The following EZH2 variants were observed in gnomAD, a reference collection of about 807,000 sequenced individuals.
EZH2 encodes histone-lysine N-methyltransferase EZH2.
Under a neutral mutation model 98.4 loss-of-function variants are expected in EZH2, and 18 were observed. That is an observed-to-expected ratio of 0.18 (90% CI 0.13 to 0.27). The LOEUF is 0.27. Ranked by LOEUF, EZH2 falls within the 10% of genes least tolerant of loss-of-function variation. EZH2 has a pLI of 1.00. For missense variants in EZH2, 470 were observed against 935.1 expected (o/e 0.50, Z 6.49); for synonymous variants, 338 against 312.3 (o/e 1.08, Z -0.87).
chr7:148,811,570 TA>T (rs1803096859), intron 16 of EZH2, 54 bp downstream of exon 16: 3 of 1,382,446 alleles, frequency 2.2e-6, no homozygotes, highest in Non-Finnish European at 1.0e-6. Flanking sequence ...CAATCTAAAA[TA>T]AAGTAAAGTT....
chr7:148,824,497 C>A (rs1807107410), intron 8 of EZH2, among the ~76,000 whole-genome samples: 1 of 152,146 alleles, frequency 6.6e-6, no homozygotes, highest in Non-Finnish European at 1.5e-5. Context: ...GTCACAACTG[C>A]CTCCAGTATC....
chr7:148,847,921 A>T (rs187886654), intron 1 of EZH2, among the ~76,000 whole-genome samples: 1 of 152,196 alleles, frequency 6.6e-6, no homozygotes, highest in African/African-American at 2.4e-5. Flanking sequence ...TCAAGCGAAA[A>T]GAGGAATGCA....
chr7:148,880,553 T>C (rs1175109023), intron 1 of EZH2, among the ~76,000 whole-genome samples: 1 of 152,230 alleles, frequency 6.6e-6, no homozygotes, highest in Non-Finnish European at 1.5e-5. Context: ...GTGTAATAGT[T>C]GCATCTAAAG....
chr7:148,819,536 TCCA>T, intron 9 of EZH2, 57 bp downstream of exon 9: 1 of 1,383,552 alleles, frequency 7.2e-7, no homozygotes, highest in Non-Finnish European at 1.0e-6. Context: ...CTTGATCACC[TCCA>T]CCAAAGTGCA....
At chr7:148,872,632 T>C (rs1003560547) in intron 1 of EZH2, among the ~76,000 whole-genome samples, 5 of 152,232 alleles carry the variant, frequency 3.3e-5, no homozygotes, top group Admixed American at 2.0e-4. Context: ...ACAGAATATA[T>C]GAAATTTCAC....
At chr7:148,861,803 T>TAAAAA (rs10628711) in intron 1 of EZH2, among the ~76,000 whole-genome samples, 96 of 143,506 alleles carry the variant, frequency 6.7e-4, no homozygotes, top group East Asian at 6.5e-3. Flanking sequence ...TTCTTTTATT[T>TAAAAA]AAAAAAAAAA....
intron 3 of EZH2, chr7:148,837,038 G>C (rs1278377328): frequency 2.1e-6 from 1 of 485,900 alleles, no homozygotes; most frequent in African/African-American, 2.0e-5. Context: ...ACCCTACTAT[G>C]TGCCAAGCAC....
chr7:148,813,357 C>T, intron 15 of EZH2, among the ~76,000 whole-genome samples: 1 of 151,774 alleles, frequency 6.6e-6, no homozygotes, highest in Non-Finnish European at 1.5e-5. Flanking sequence ...TACGAAATTT[C>T]CCAAATACAT....
At chr7:148,879,627 T>C (rs1310769063) in intron 1 of EZH2, among the ~76,000 whole-genome samples, 1 of 151,788 alleles carries the variant, frequency 6.6e-6, no homozygotes, top group African/African-American at 2.4e-5. Flanking sequence ...GAGGTGGAGG[T>C]TGCAGTGAGC....
chr7:148,824,072 T>C (rs1175445640), intron 8 of EZH2, among the ~76,000 whole-genome samples: 1 of 151,918 alleles, frequency 6.6e-6, no homozygotes, highest in African/African-American at 2.4e-5. Flanking sequence ...CCCAACACTT[T>C]GGGAGGCCAG....
At chr7:148,859,155 T>C (rs1239112274) in intron 1 of EZH2, among the ~76,000 whole-genome samples, 2 of 152,220 alleles carry the variant, frequency 1.3e-5, no homozygotes, top group African/African-American at 4.8e-5. Context: ...GACTTAGCAA[T>C]TAACAATTAA....
At chr7:148,881,525 T>C (rs1820954325) in intron 1 of EZH2, among the ~76,000 whole-genome samples, 1 of 152,118 alleles carries the variant, frequency 6.6e-6, no homozygotes, top group Non-Finnish European at 1.5e-5. Context: ...TACCAGAAAA[T>C]AATTTAATAT....
intron 10 of EZH2, 116 bp from the exon 11 acceptor site, chr7:148,817,507 G>A (rs748086953): frequency 4.2e-5 from 41 of 978,182 alleles, no homozygotes; most frequent in Non-Finnish European, 5.7e-5. Flanking sequence ...AAATCCAATC[G>A]GCAAAACACT....
intron 3 of EZH2, among the ~76,000 whole-genome samples, chr7:148,836,021 A>C (rs910556922): frequency 2.0e-5 from 3 of 152,234 alleles, no homozygotes; most frequent in Non-Finnish European, 4.4e-5. Context: ...GTCATACCCC[A>C]GTATCCCATC....
chr7:148,821,595 T>C (rs1486223407), intron 8 of EZH2, among the ~76,000 whole-genome samples: 1 of 151,956 alleles, frequency 6.6e-6, no homozygotes, highest in Admixed American at 6.5e-5. Flanking sequence ...GAGCCCAAAG[T>C]AGGAGCATCA....
At chr7:148,807,785 T>A in intron 19 of EZH2, 79 bp from the exon 20 acceptor site, 2 of 757,336 alleles carry the variant, frequency 2.6e-6, no homozygotes, top group South Asian at 1.9e-5. Context: ...CAAAGCCTGC[T>A]GAAGATAGTG....
At position 148,817,236 on chromosome 7, in the gene EZH2, T is replaced by G; in HGVS notation, c.1396A>C (p.Lys466Gln). ...FCAIARLIGT[K>Q]TCRQVYEFRV... is the part of the protein sequence containing the mutation. ...GGATATCTTACCTGTCTACATGTTTTGGTCCCAATTAACCTAGCAATGGCA... is the reference window on the plus strand; with the variant it reads ...GGATATCTTACCTGTCTACATGTTTGGGTCCCAATTAACCTAGCAATGGCA... The change falls in exon 11 of 20, where the codon AAA becomes CAA. Residue 466 changes from lysine (K) to glutamine (Q), a missense_variant. Lys to Gln is a moderately conservative substitution (Grantham distance 53). Around this residue, in one of 6 missense-constraint regions of EZH2, gnomAD observed 192 missense variants for 306.8 expected, o/e 0.63. Coordinates refer to ENST00000320356, the MANE Select transcript of EZH2 (RefSeq NM_004456.5). The G allele has an allele frequency of 6.2e-7, 1 of 1,613,518 alleles. No homozygotes were observed.
intron 12 of EZH2, among the ~76,000 whole-genome samples, chr7:148,816,326 C>A (rs1804541490): frequency 6.6e-6 from 1 of 152,166 alleles, no homozygotes; most frequent in African/African-American, 2.4e-5. Flanking sequence ...AAAGATACTT[C>A]TAAAAACTGG....
In EZH2 at chr7:148,818,032, C is replaced by T. The variant is rs781468426; in HGVS notation, c.1085G>A (p.Arg362Gln). 1 of 1,614,078 alleles carries T rather than the reference C, an allele frequency of 6.2e-7. No individual in the cohort carries two copies. The highest frequency in any genetic ancestry group is 8.5e-7 in the Non-Finnish European group (1 of 1,180,012). Residue 362 changes from arginine (R) to glutamine (Q), a missense_variant, in exon 10 of 20, where the codon CGG becomes CAG. By Grantham distance (43) the Arg-to-Gln change is conservative (BLOSUM62 1). Coordinates refer to ENST00000320356, the MANE Select transcript of EZH2 (RefSeq NM_004456.5). ...GGGCCTGCTACTGTTATTGGGAAGCCGTCCTCTTCTGCGGCCTCCTGGACG... is the reference window on the plus strand; with the variant it reads ...GGGCCTGCTACTGTTATTGGGAAGCTGTCCTCTTCTGCGGCCTCCTGGACG... ...PKRPGGRRRG[R>Q]LPNNSSRPST...
Sources: allele counts gnomAD v4.1 joint callset (sites outside exome capture counted in the v4.1 genomes callset), GRCh38; gene constraint gnomAD v4.1.1; regional missense constraint gnomAD v4.1.1; transcripts MANE v1.5; gene names NCBI Gene and HGNC (gene_info 2026-07-23, HGNC 2026-07-21).